Variants in CYP2C19 observed in about 807,000 individuals in gnomAD.
CYP2C19 encodes cytochrome P450 2C19.
Under a neutral mutation model 40.9 loss-of-function variants are expected in CYP2C19, and 59 were observed. That is an observed-to-expected ratio of 1.44 (90% CI 1.17 to 1.79). The LOEUF (loss-of-function observed/expected upper bound fraction) is 1.79. Ranked by LOEUF, CYP2C19 falls within the 40% of genes most tolerant of loss-of-function variation. The pLI, the probability that CYP2C19 is intolerant of heterozygous loss-of-function variation, is 0.00. For synonymous variants in CYP2C19, 253 were observed against 208.7 expected (o/e 1.21, Z -1.83); for missense variants, 754 against 596.9 (o/e 1.26, Z -2.74).
intron 5 of CYP2C19, among the ~76,000 whole-genome samples, chr10:94,802,526 A>G (rs1848781196): frequency 6.6e-6 from 1 of 152,146 alleles, no homozygotes; most frequent in East Asian, 1.9e-4. Flanking sequence ...ATAGGTCTTG[A>G]CTTTTTATCC....
chr10:94,801,150 G>A (rs757480113), intron 5 of CYP2C19, among the ~76,000 whole-genome samples: 35 of 152,136 alleles, frequency 2.3e-4, no homozygotes, highest in Non-Finnish European at 4.6e-4. Flanking sequence ...TGGCCATCTT[G>A]CCACTAAATC....
chr10:94,817,804 G>C lies in CYP2C19; in HGVS notation c.820-2692G>C, dbSNP rs1849032783. Among the ~76,000 whole-genome samples the C allele has an allele frequency of 3.9e-5, 6 of 152,036 alleles. No homozygotes were observed. The South Asian group carries it at 1.2e-3, about 32-fold the overall frequency. ...CGAGGCGGGCGGATCACGAGGTCAGGAGATCGAGACCATCCTGGCTAAAAC... is the reference window on the plus strand; with the variant it reads ...CGAGGCGGGCGGATCACGAGGTCAGCAGATCGAGACCATCCTGGCTAAAAC... On this transcript the variant is annotated intron_variant, in intron 5 of 8. Transcript: ENST00000371321.
Position 94,775,099 on chromosome 10 carries a change from C to A in CYP2C19, c.210C>A (p.Gly70=). The A allele has an allele frequency of 1.2e-6, 2 of 1,614,068 alleles. No individual in the cohort carries two copies. Among genetic ancestry groups the A allele is most frequent in the South Asian group, 2.2e-5 (2 of 91,074 alleles). ...IYGPVFTLYF[G]LERMVVLHGY... ...GCCCTGTGTTCACTCTGTATTTTGG[C>A]CTGGAACGCATGGTGGTGCTGCATG... is the stretch of plus-strand genomic sequence containing the variant. The change falls in exon 2 of 9, where the codon GGC becomes GGA. Residue 70 remains glycine, a synonymous_variant. Coordinates refer to ENST00000371321, the MANE Select transcript of CYP2C19 (RefSeq NM_000769.4).
chr10:94,792,215 G>A (rs925955117), intron 5 of CYP2C19, among the ~76,000 whole-genome samples: 4 of 151,950 alleles, frequency 2.6e-5, no homozygotes, highest in Non-Finnish European at 4.4e-5. Context: ...CATTTACTTG[G>A]TAGATCTTCC....
intron 1 of CYP2C19, among the ~76,000 whole-genome samples, chr10:94,767,200 T>G (rs888169507): frequency 6.6e-6 from 1 of 152,116 alleles, no homozygotes; most frequent in Non-Finnish European, 1.5e-5. Context: ...GAAATGAGAT[T>G]CTTGTGTTAG....
chr10:94,848,634 G>T (rs1472035381), intron 7 of CYP2C19, among the ~76,000 whole-genome samples: 1 of 152,172 alleles, frequency 6.6e-6, no homozygotes, highest in Non-Finnish European at 1.5e-5. Flanking sequence ...GTAGCTTGAT[G>T]GGGATGGCAT....
chr10:94,851,936 G>A (rs150304838), intron 8 of CYP2C19, among the ~76,000 whole-genome samples: 4 of 152,290 alleles, frequency 2.6e-5, no homozygotes, highest in East Asian at 3.9e-4. Context: ...CCAGGGAAAC[G>A]AACATTTTCT....
intron 6 of CYP2C19, among the ~76,000 whole-genome samples, chr10:94,835,697 G>A (rs141971618): frequency 3.9e-4 from 59 of 152,044 alleles, no homozygotes; most frequent in African/African-American, 1.3e-3. Flanking sequence ...ATGTTCCCTC[G>A]GAAGTTAGGA....
chr10:94,820,458 A>T, intron 5 of CYP2C19, 38 bp from the exon 6 acceptor site: 1 of 1,609,284 alleles, frequency 6.2e-7, no homozygotes, highest in Non-Finnish European at 8.5e-7. Context: ...ATATGCTGTT[A>T]AATAATTTGT....
At chr10:94,783,096 C>T (rs1848499818) in intron 5 of CYP2C19, among the ~76,000 whole-genome samples, 1 of 151,910 alleles carries the variant, frequency 6.6e-6, no homozygotes. Context: ...TATCCCAGAA[C>T]TTAAAGTATA....
In CYP2C19 at chr10:94,852,657, C is replaced by T. The variant is rs967962767; in HGVS notation, c.1292-76C>T. 7 of 1,501,006 alleles carry T rather than the reference C, an allele frequency of 4.7e-6. No homozygotes were observed. In the African/African-American group the frequency reaches 5.5e-5, roughly 12 times the overall value. The allele number at this position is 1,501,006 out of a possible 1,614,324, so 93.0% of individuals were successfully genotyped here. A position where few individuals can be genotyped will look rare whatever the true frequency, so the allele number is the denominator to read the frequency against. On this transcript the variant is annotated intron_variant, in intron 8 of 8. Coordinates refer to ENST00000371321, the MANE Select transcript of CYP2C19 (RefSeq NM_000769.4). ...CAGTTCTTGCATATTCTGTCTGTGC[C>T]AGTTATAGAGACAGTGTTTGTCACT... is the stretch of plus-strand genomic sequence containing the variant.
At chr10:94,801,707 A>G (rs1479765086) in intron 5 of CYP2C19, among the ~76,000 whole-genome samples, 4 of 152,174 alleles carry the variant, frequency 2.6e-5, no homozygotes, top group African/African-American at 7.2e-5. Context: ...ATCTCCCACT[A>G]TTATTGTGTG....
rs4291603 is a variant in CYP2C19, at chr10:94,772,788, G to A, written c.169-2270G>A. ...CTGGTGGCCACATTGGTCACTTTTT[G>A]TTTTGAGACGGAGTCTCGCTCTGTC... On this transcript the variant is annotated intron_variant, in intron 1 of 8. Coordinates refer to ENST00000371321, the MANE Select transcript of CYP2C19 (RefSeq NM_000769.4). Among the ~76,000 whole-genome samples the A allele has an allele frequency of 2.6e-3, 387 of 151,588 alleles. 2 individuals carry two copies. Among genetic ancestry groups the A allele is most frequent in the African/African-American group, 8.1e-3 (334 of 41,418 alleles).
chr10:94,823,875 G>C (rs780188356), intron 6 of CYP2C19, among the ~76,000 whole-genome samples: 1 of 152,096 alleles, frequency 6.6e-6, no homozygotes, highest in African/African-American at 2.4e-5. Flanking sequence ...ACCTCATATA[G>C]GACAATGAGA....
At chr10:94,787,946 A>G (rs1198470163) in intron 5 of CYP2C19, among the ~76,000 whole-genome samples, 2 of 152,162 alleles carry the variant, frequency 1.3e-5, no homozygotes, top group Non-Finnish European at 2.9e-5. Flanking sequence ...GAATCTGTAG[A>G]TAGCTTTGGG....
chr10:94,840,241 T>A (rs1849471629), intron 6 of CYP2C19, among the ~76,000 whole-genome samples: 1 of 151,790 alleles, frequency 6.6e-6, no homozygotes, highest in African/African-American at 2.4e-5. Context: ...TTTTTTTTTT[T>A]AACTATTTCT....
intron 1 of CYP2C19, among the ~76,000 whole-genome samples, chr10:94,772,953 T>C (rs1236677174): frequency 6.6e-6 from 1 of 151,864 alleles, no homozygotes; most frequent in Non-Finnish European, 1.5e-5. Context: ...GGCTAATTTT[T>C]TGTATTTTTA....
rs1848396928 is a variant in CYP2C19, at chr10:94,775,559, A to G, written c.481+20A>G. The G allele has an allele frequency of 1.2e-6, 2 of 1,613,760 alleles. No homozygotes were observed. Among genetic ancestry groups the G allele is most frequent in the African/African-American group, 1.3e-5 (1 of 74,910 alleles). ...CCAAGGGTGGGTGAACATACTCTCT[A>G]TCACTGACCTTTCTGGACTGCTCTC... On this transcript the variant is annotated intron_variant, in intron 3 of 8. Transcript: ENST00000371321.
At chr10:94,771,566 G>A (rs1023443614) in intron 1 of CYP2C19, among the ~76,000 whole-genome samples, 5 of 152,108 alleles carry the variant, frequency 3.3e-5, no homozygotes, top group Non-Finnish European at 5.9e-5. Flanking sequence ...AAAAAAATGA[G>A]CCACCTCTTT....
Sources: gnomAD v4.1 joint callset for allele counts (sites outside exome capture counted in the v4.1 genomes callset) on GRCh38, gnomAD v4.1.1 for gene constraint, MANE v1.5 for transcripts, NCBI Gene and HGNC (gene_info 2026-07-23, HGNC 2026-07-21) for gene names.